The following RHOBTB1 variants were observed in gnomAD, a reference collection of about 807,000 sequenced individuals.
The protein encoded by RHOBTB1 is Rho related BTB domain containing 1.
Under a neutral mutation model 71.6 loss-of-function variants are expected in RHOBTB1, and 40 were observed. The ratio of observed to expected loss-of-function variants is 0.56; its 90% CI spans 0.43 to 0.73. The LOEUF is 0.73. Ranked by LOEUF, RHOBTB1 falls within the 30% of genes least tolerant of loss-of-function variation. The pLI, the probability that RHOBTB1 is intolerant of heterozygous loss-of-function variation, is 0.00. For synonymous variants in RHOBTB1, 319 were observed against 334.9 expected (o/e 0.95, Z 0.52); for missense variants, 797 against 894.0 (o/e 0.89, Z 1.38).
At chr10:60,918,486 G>A (rs1307967014) in intron 2 of RHOBTB1, among the ~76,000 whole-genome samples, 1 of 152,156 alleles carries the variant, frequency 6.6e-6, no homozygotes, top group Non-Finnish European at 1.5e-5. Context: ...ATAACTCAGG[G>A]CACTGTGGCT....
At chr10:60,988,871 T>A (rs1328864652) in intron 1 of RHOBTB1, among the ~76,000 whole-genome samples, 1 of 152,192 alleles carries the variant, frequency 6.6e-6, no homozygotes, top group Non-Finnish European at 1.5e-5. Flanking sequence ...GATCCTTAAT[T>A]GTACCCTTCC....
At chr10:60,993,311 A>G (rs1045491046) in intron 1 of RHOBTB1, among the ~76,000 whole-genome samples, 1 of 152,208 alleles carries the variant, frequency 6.6e-6, no homozygotes, top group African/African-American at 2.4e-5. Context: ...GCATTTTTTA[A>G]TGGGTTATTT....
At chr10:60,997,291 C>T (rs1223769363) in intron 1 of RHOBTB1, among the ~76,000 whole-genome samples, 6 of 152,130 alleles carry the variant, frequency 3.9e-5, no homozygotes, top group African/African-American at 1.2e-4. Flanking sequence ...ATGAGATCTT[C>T]GGACCATTTG....
At chr10:60,883,250 T>C (rs1043050798) in intron 7 of RHOBTB1, among the ~76,000 whole-genome samples, 5 of 152,212 alleles carry the variant, frequency 3.3e-5, no homozygotes, top group African/African-American at 1.2e-4. Flanking sequence ...ACTCCAGTTC[T>C]AAGTGGTGAG....
chr10:60,960,318 A>G (rs1445728397), intron 2 of RHOBTB1, among the ~76,000 whole-genome samples: 1 of 152,194 alleles, frequency 6.6e-6, no homozygotes, highest in Admixed American at 6.5e-5. Flanking sequence ...AGAACCCCCT[A>G]TTGATTATGC....
rs369114041 is a variant in RHOBTB1 at position 60,892,875 on chromosome 10, C to A, written c.417G>T (p.Gly139=). 7.1e-5 allele frequency: 114 copies of A among 1,613,896 alleles called. No homozygotes were observed. The highest frequency in any genetic ancestry group is 1.7e-5 in the Non-Finnish European group (20 of 1,179,992). Residue 139 remains glycine, a synonymous_variant, in exon 5 of 11, where the codon GGG becomes GGT. Transcript: ENST00000337910. ...CGGCATAGCGGAGATCAAGCTGGCA[C>A]CCAACAAGGATAACGGGTGTTCGAG... is the stretch of plus-strand genomic sequence containing the variant. ...FCPRTPVILV[G]CQLDLRYADL...
intron 2 of RHOBTB1, among the ~76,000 whole-genome samples, chr10:60,925,819 C>T (rs1299381724): frequency 6.6e-6 from 1 of 152,080 alleles, no homozygotes. Context: ...AAGAAATGGA[C>T]AAATTCCTAG....
At chr10:60,947,810 T>C (rs2085286857), upstream of RHOBTB1, among the ~76,000 whole-genome samples, 1 of 152,238 alleles carries the variant, frequency 6.6e-6, no homozygotes. Context: ...GTATAGGTTT[T>C]GTGTGAGCAT....
In RHOBTB1 at chr10:60,950,245, C is replaced by T. The variant is rs183044260; in HGVS notation, c.-61-8391G>A. On this transcript the variant is annotated intron_variant, in intron 2 of 11. Coordinates refer to the RHOBTB1 transcript ENST00000357917. ...CAACAATTTAATGTATAATGTGTATCTTTGACATTTTAAAAAGCAAAAATA... is the reference window on the plus strand; with the variant it reads ...CAACAATTTAATGTATAATGTGTATTTTTGACATTTTAAAAAGCAAAAATA... Among the ~76,000 whole-genome samples the T allele has an allele frequency of 1.7e-3, 259 of 152,188 alleles. 1 individual carries two copies. The highest frequency in any genetic ancestry group is 6.0e-3 in the African/African-American group (251 of 41,526).
At chr10:60,930,913 C>A (rs1420673653) in intron 2 of RHOBTB1, among the ~76,000 whole-genome samples, 1 of 151,918 alleles carries the variant, frequency 6.6e-6, no homozygotes, top group Non-Finnish European at 1.5e-5. Context: ...TGGGACCTGC[C>A]CTTTTTTAAG....
rs114327491 is a variant in RHOBTB1 at position 60,923,336 on chromosome 10, G to A, written c.-10-11784C>T. 3.0e-3 allele frequency among the ~76,000 whole-genome samples: 455 copies of A among 152,302 alleles called. 2 individuals carry two copies. Among genetic ancestry groups the A allele is most frequent in the African/African-American group, 9.9e-3 (413 of 41,572 alleles). ...ACTTAACCATGTAAAAGAAGATAATGTACATTTATAAACTAATAGCAGATG... is the reference window on the plus strand; with the variant it reads ...ACTTAACCATGTAAAAGAAGATAATATACATTTATAAACTAATAGCAGATG... On this transcript the variant is annotated intron_variant, in intron 2 of 10. Transcript: ENST00000337910.
intron 2 of RHOBTB1, among the ~76,000 whole-genome samples, chr10:60,912,171 A>C (rs569700000): frequency 1.3e-5 from 2 of 152,204 alleles, no homozygotes; most frequent in Admixed American, 6.5e-5. Context: ...GTATTAATCA[A>C]ATTCATAATT....
chr10:60,893,001 A>T lies in RHOBTB1; in HGVS notation c.297-6T>A, dbSNP rs547891822. The T allele has an allele frequency of 6.2e-7, 1 of 1,606,032 alleles. No individual in the cohort carries two copies. Among genetic ancestry groups the T allele is most frequent in the South Asian group, 1.1e-5 (1 of 89,602 alleles). On this transcript the variant is annotated splice_polypyrimidine_tract_variant and splice_region_variant and intron_variant, in intron 4 of 10. Transcript: ENST00000337910. ...AGAGGACCACAACATCAGACCTAAA[A>T]GGAAATCATAAAAGAAGCTTGTATT...
chr10:60,905,721 C>T (rs375684282), intron 4 of RHOBTB1, among the ~76,000 whole-genome samples: 13 of 152,150 alleles, frequency 8.5e-5, no homozygotes, highest in Non-Finnish European at 7.3e-5. Context: ...CACTGTGCAA[C>T]GGGCTGCTTG....
chr10:60,911,860 C>T (rs574261485), intron 2 of RHOBTB1, among the ~76,000 whole-genome samples: 73 of 152,272 alleles, frequency 4.8e-4, no homozygotes, highest in Non-Finnish European at 9.7e-4. Context: ...CAGCCACTGT[C>T]GGGACAGCTG....
At chr10:60,863,085 A>T in the RHOBTB1 span, among the ~76,000 whole-genome samples, 3 of 152,194 alleles carry the variant, frequency 2.0e-5, no homozygotes, top group South Asian at 4.1e-4. Flanking sequence ...TAGGGTGATG[A>T]TGGGGGTGGT....
intron 2 of RHOBTB1, among the ~76,000 whole-genome samples, chr10:60,967,316 A>G (rs2086003148): frequency 7.0e-6 from 1 of 141,976 alleles, no homozygotes; most frequent in Non-Finnish European, 1.5e-5. Context: ...TTTTTTAGAC[A>G]GAGTCTCACT....
At chr10:60,975,305 G>A (rs568432788) in intron 2 of RHOBTB1, among the ~76,000 whole-genome samples, 1 of 152,006 alleles carries the variant, frequency 6.6e-6, no homozygotes, top group South Asian at 2.1e-4. Flanking sequence ...CTCTCACCAG[G>A]GACACATTTG....
At chr10:60,935,354 G>T (rs965335066) in intron 2 of RHOBTB1, among the ~76,000 whole-genome samples, 5 of 152,146 alleles carry the variant, frequency 3.3e-5, no homozygotes, top group Admixed American at 6.5e-5. Flanking sequence ...CATGAGAAGG[G>T]CTTCTGGGTG....
Sources: gnomAD v4.1 joint callset for allele counts (sites outside exome capture counted in the v4.1 genomes callset) on GRCh38, gnomAD v4.1.1 for gene constraint, MANE v1.5 for transcripts, NCBI Gene and HGNC (gene_info 2026-07-23, HGNC 2026-07-21) for gene names.